Variants in KCND3 observed in about 807,000 individuals in gnomAD.
The protein encoded by KCND3 is potassium voltage-gated channel subfamily D member 3.
In KCND3, 9 loss-of-function variants were observed where a neutral mutation model predicts 51.1. That is an observed-to-expected ratio of 0.18 (90% CI 0.11 to 0.31). The LOEUF (loss-of-function observed/expected upper bound fraction) is 0.31. Among genes scored for constraint, KCND3 ranks in the 10% least tolerant of loss-of-function variants. The pLI is 1.00. For synonymous variants in KCND3, 349 were observed against 368.0 expected, an observed-to-expected ratio of 0.95 and a Z score of 0.59; for missense variants, 526 against 903.8, an observed-to-expected ratio of 0.58 and a Z score of 5.36.
At chr1:111,909,376 A>G (rs912953812) in intron 2 of KCND3, 4 of 152,204 alleles carry the variant, frequency 2.6e-5, no homozygotes, top group African/African-American at 9.6e-5. Context: ...GGGCACAATG[A>G]TAGTACCCTG....
intron 3 of KCND3, among the ~76,000 whole-genome samples, chr1:111,782,341 C>T (rs1420783937): frequency 6.6e-6 from 1 of 152,158 alleles, no homozygotes; most frequent in East Asian, 1.9e-4. Context: ...AGGACTTGAG[C>T]CTGAAAGATC....
Position 111,982,815 on chromosome 1 carries a change from G to C in KCND3, c.-72-17C>G. On this transcript the variant is annotated splice_polypyrimidine_tract_variant and intron_variant, in intron 1 of 7. Coordinates refer to ENST00000302127, the MANE Select transcript of KCND3 (RefSeq NM_001378969.1). This position sits in a 1 kb window ranked among gnomAD's most constrained non-coding sequence, Gnocchi z 8.5. The stretch of plus-strand genomic sequence containing the variant: ...CAGCAAACCCTGGGAGACAGGAGGG[G>C]AGAGAGAGAAGCGGTGAGTCCATAT... 6.6e-7 allele frequency: 1 copy of C among 1,510,710 alleles called. No individual in the cohort carries two copies. The highest frequency in any genetic ancestry group is 8.9e-7 in the Non-Finnish European group (1 of 1,124,486). 93.6% of individuals were successfully genotyped at this position (1,510,710 alleles called of 1,614,324 possible).
At chr1:111,960,780 T>A (rs1182413429) in intron 2 of KCND3, among the ~76,000 whole-genome samples, 1 of 152,242 alleles carries the variant, frequency 6.6e-6, no homozygotes, top group African/African-American at 2.4e-5. Flanking sequence ...GCTTAAGTCC[T>A]CAGGGATGAG....
At chr1:111,955,472 C>T (rs896592725) in intron 2 of KCND3, among the ~76,000 whole-genome samples, 1 of 152,120 alleles carries the variant, frequency 6.6e-6, no homozygotes, top group African/African-American at 2.4e-5. Context: ...TCATGGTGTC[C>T]CTGGGAGGGT....
At chr1:111,866,579 AACACACACACACACACACACACACACAC>A (rs771342858) in intron 2 of KCND3, among the ~76,000 whole-genome samples, 1 of 126,744 alleles carries the variant, frequency 7.9e-6, no homozygotes, top group Non-Finnish European at 1.6e-5. Flanking sequence ...TGTTTCTTTA[AACACACACACACACACACACACACACAC>A]ACACACACAC....
At chr1:111,811,458 G>A (rs1665844205) in intron 2 of KCND3, among the ~76,000 whole-genome samples, 1 of 152,132 alleles carries the variant, frequency 6.6e-6, no homozygotes, top group African/African-American at 2.4e-5. Flanking sequence ...CAAGAAATAC[G>A]CAGAAAAGCT....
At chr1:111,967,139 TCAAAAAAAAAAAAACAAAAA>T (rs1236964678) in intron 2 of KCND3, among the ~76,000 whole-genome samples, 1 of 110,274 alleles carries the variant, frequency 9.1e-6, no homozygotes, top group African/African-American at 3.7e-5. Flanking sequence ...AGATTCCGTC[TCAAAAAAAAAAAAACAAAAA>T]CAAAAAAAAA....
intron 2 of KCND3, among the ~76,000 whole-genome samples, chr1:111,890,127 T>A (rs375794277): frequency 6.6e-6 from 1 of 152,094 alleles, no homozygotes; most frequent in Non-Finnish European, 1.5e-5. Flanking sequence ...GGAGGAATTG[T>A]AGGGTCCTGG....
At chr1:111,865,319 G>T (rs539370261) in intron 2 of KCND3, among the ~76,000 whole-genome samples, 2 of 152,230 alleles carry the variant, frequency 1.3e-5, no homozygotes, top group African/African-American at 4.8e-5. Flanking sequence ...CTACAGTAGG[G>T]GGTAGGTACT....
At chr1:111,914,713 A>T (rs1329208972) in intron 2 of KCND3, among the ~76,000 whole-genome samples, 1 of 152,214 alleles carries the variant, frequency 6.6e-6, no homozygotes, top group Non-Finnish European at 1.5e-5. Flanking sequence ...ACTTTTTCAG[A>T]TCAAAGCTGA....
At chr1:111,945,696 A>C (rs1343324841) in intron 2 of KCND3, among the ~76,000 whole-genome samples, 4 of 152,208 alleles carry the variant, frequency 2.6e-5, no homozygotes, top group Admixed American at 6.5e-5. Context: ...TGTGCTCAAA[A>C]GTCCCCAGCA....
At position 111,792,379 on chromosome 1, in the gene KCND3, G is replaced by A. The variant is rs867904417; in HGVS notation, c.1107-5273C>T. Reference sequence around the variant, plus strand: ...GAACAACTGGGGTTAGAGCAGAGATGTTTTCATGCCTCTGCTCTTTCCGTC... The same window carrying A: ...GAACAACTGGGGTTAGAGCAGAGATATTTTCATGCCTCTGCTCTTTCCGTC... On this transcript the variant is annotated intron_variant, in intron 2 of 7. Coordinates refer to ENST00000302127, the MANE Select transcript of KCND3 (RefSeq NM_001378969.1). 1.5e-4 allele frequency among the ~76,000 whole-genome samples: 23 copies of A among 152,344 alleles called. 1 individual carries two copies. In the South Asian group the frequency reaches 4.1e-3, roughly 27 times the overall value.
intron 2 of KCND3, among the ~76,000 whole-genome samples, chr1:111,957,784 C>A (rs1214732280): frequency 6.6e-6 from 1 of 152,186 alleles, no homozygotes. Context: ...CACAGCCATG[C>A]CCCCTCATTT....
rs184702491 is a variant in KCND3, at chr1:111,897,484, G to C, written c.1106+84137C>G. 2.6e-4 allele frequency among the ~76,000 whole-genome samples: 40 copies of C among 152,328 alleles called. 2 individuals carry two copies. In the East Asian group the frequency reaches 4.8e-3, roughly 18 times the overall value. ...CTGTGTGGGGCAGTCAGGCACACAG[G>C]CCTCATCTGTGCGTGCTGGACAGCT... On this transcript the variant is annotated intron_variant, in intron 2 of 7. Transcript: ENST00000302127.
At chr1:111,848,702 C>T (rs1350468745) in intron 2 of KCND3, among the ~76,000 whole-genome samples, 1 of 152,212 alleles carries the variant, frequency 6.6e-6, no homozygotes. Flanking sequence ...TTTGCCTCCT[C>T]TTGGCTCCGA....
At chr1:111,815,876 T>C (rs1666064951) in intron 2 of KCND3, among the ~76,000 whole-genome samples, 11 of 152,062 alleles carry the variant, frequency 7.2e-5, no homozygotes, top group Admixed American at 7.2e-4. Flanking sequence ...TGGGCCTTCC[T>C]GGATGTTCCC....
chr1:111,959,812 A>G (rs1673538455), intron 2 of KCND3, among the ~76,000 whole-genome samples: 1 of 152,096 alleles, frequency 6.6e-6, no homozygotes, highest in Non-Finnish European at 1.5e-5. Context: ...TCACAGCCTG[A>G]TATGGTTTGG....
chr1:111,958,805 G>GT (rs1673475620), intron 2 of KCND3, among the ~76,000 whole-genome samples: 1 of 152,148 alleles, frequency 6.6e-6, no homozygotes, highest in Non-Finnish European at 1.5e-5. Context: ...GTTGTGGAGG[G>GT]TTTTCATTGC....
chr1:111,868,852 T>C (rs147891943), intron 2 of KCND3, among the ~76,000 whole-genome samples: 2 of 152,320 alleles, frequency 1.3e-5, no homozygotes, highest in Non-Finnish European at 2.9e-5. Flanking sequence ...CCTCCCATCT[T>C]AGCCTTCTCT....
Sources: gnomAD v4.1 joint callset for allele counts (sites outside exome capture counted in the v4.1 genomes callset) on GRCh38, gnomAD v4.1.1 for gene constraint, Gnocchi (gnomAD v3.1) non-coding constraint, MANE v1.5 for transcripts, NCBI Gene and HGNC (gene_info 2026-07-23, HGNC 2026-07-21) for gene names.